The following CAMK2B variants were observed in gnomAD, a reference collection of about 807,000 sequenced individuals.
CAMK2B encodes calcium/calmodulin dependent protein kinase II beta.
A neutral mutation model predicts 93.7 loss-of-function variants in CAMK2B; 27 were observed. That is an observed-to-expected ratio of 0.29 (90% CI 0.21 to 0.40). CAMK2B has a LOEUF of 0.40. CAMK2B is among the 10% of genes least tolerant of loss of function. CAMK2B has a pLI of 1.00. For missense variants in CAMK2B, 568 were observed against 895.8 expected (o/e 0.63, Z 4.67); for synonymous variants, 374 against 358.8 (o/e 1.04, Z -0.48).
At chr7:44,231,150 CAG>C in intron 16 of CAMK2B, 96 bp from the exon 17 acceptor site, 1 of 884,054 alleles carries the variant, frequency 1.1e-6, no homozygotes, top group Non-Finnish European at 1.7e-6. Context: ...GTGTCAGGAC[CAG>C]CCCAGGCTCT....
Position 44,312,121 on chromosome 7 carries a change from G to T in CAMK2B, c.65+13236C>A, listed in dbSNP as rs567141207. On this transcript the variant is annotated intron_variant, in intron 1 of 23. Transcript: ENST00000395749. This position sits in a 1 kb window ranked among gnomAD's most constrained non-coding sequence, Gnocchi z 4.1. ...CCCACATTTACCCCAGGGCAGTGAG[G>T]CCACAGAAACAGCACTGGAGTCACA... Among the ~76,000 whole-genome samples the T allele has an allele frequency of 1.3e-5, 2 of 152,226 alleles. No individual in the cohort carries two copies. The highest frequency in any genetic ancestry group is 2.9e-5 in the Non-Finnish European group (2 of 68,046).
rs962629625 is a variant in CAMK2B at position 44,240,616 on chromosome 7, G to A, written c.946+91C>T. The A allele has an allele frequency of 5.7e-5, 79 of 1,398,198 alleles. No homozygotes were observed. The African/African-American group carries it at 8.6e-4, about 15-fold the overall frequency. The allele number at this position is 1,398,198 out of a possible 1,614,324, so 86.6% of individuals were successfully genotyped here. Reference sequence around the variant, plus strand: ...CGAGGGCAGGCCTGCCGCAGAGGAGGAGTGGAGAGGCTGGTGAGGAAGGAG... The same window carrying A: ...CGAGGGCAGGCCTGCCGCAGAGGAGAAGTGGAGAGGCTGGTGAGGAAGGAG... On this transcript the variant is annotated intron_variant, in intron 12 of 23. Coordinates refer to ENST00000395749, the MANE Select transcript of CAMK2B (RefSeq NM_001220.5).
At chr7:44,237,421 T>A (rs377490549) in intron 13 of CAMK2B, among the ~76,000 whole-genome samples, 1 of 152,244 alleles carries the variant, frequency 6.6e-6, no homozygotes, top group Non-Finnish European at 1.5e-5. Context: ...AGGCCGACGC[T>A]GCCATCAGAG....
intron 1 of CAMK2B, among the ~76,000 whole-genome samples, chr7:44,309,779 G>T (rs1366801376): frequency 1.3e-5 from 2 of 152,266 alleles, no homozygotes; most frequent in Non-Finnish European, 2.9e-5. Flanking sequence ...CCCATCGGAA[G>T]AAACTGGGGA....
intron 3 of CAMK2B, among the ~76,000 whole-genome samples, chr7:44,261,494 C>A (rs2096878807): frequency 6.6e-6 from 1 of 152,184 alleles, no homozygotes; most frequent in Non-Finnish European, 1.5e-5. Flanking sequence ...CCTCCCCATG[C>A]AGGCCTGGTG....
intron 3 of CAMK2B, among the ~76,000 whole-genome samples, chr7:44,259,133 G>A (rs1204027027): frequency 6.6e-6 from 1 of 152,194 alleles, no homozygotes; most frequent in Non-Finnish European, 1.5e-5. Flanking sequence ...CACCCAGCGA[G>A]CACCCACAGG....
rs1795370880 is a variant in CAMK2B, at chr7:44,318,668, G to C, written c.65+6689C>G. ...AGCTCCTGCCCTCCAGGCTTCTCTT[G>C]CTGCTCACAAAGTGAGGAAACAAGG... is the stretch of plus-strand genomic sequence containing the variant. On this transcript the variant is annotated intron_variant, in intron 1 of 23. Transcript: ENST00000395749. 2.0e-5 allele frequency among the ~76,000 whole-genome samples: 3 copies of C among 152,326 alleles called. 1 individual carries two copies. Among genetic ancestry groups the C allele is most frequent in the Middle Eastern group, 6.8e-3 (2 of 294 alleles).
intron 22 of CAMK2B, 125 bp from the exon 23 acceptor site, chr7:44,220,419 G>T: frequency 1.1e-6 from 1 of 903,214 alleles, no homozygotes; most frequent in Non-Finnish European, 1.7e-6. Context: ...CGGCTCTCCT[G>T]GGAGCAGCAT....
rs571212343 is a variant in CAMK2B at position 44,261,447 on chromosome 7, T to C, written c.220+1558A>G. Among the ~76,000 whole-genome samples the C allele has an allele frequency of 5.9e-5, 9 of 152,230 alleles. No individual in the cohort carries two copies. The East Asian group carries it at 1.7e-3, about 30-fold the overall frequency. On this transcript the variant is annotated intron_variant, in intron 3 of 23. Coordinates refer to ENST00000395749, the MANE Select transcript of CAMK2B (RefSeq NM_001220.5). ...CTCCCTGGGGGCGCTGCAGGGCTGA[T>C]CTCATGGTGGGGGCTGCCCCTGCCC... is the stretch of plus-strand genomic sequence containing the variant.
At chr7:44,259,106 C>G (rs73097706) in intron 3 of CAMK2B, among the ~76,000 whole-genome samples, 180 bp from the exon 4 acceptor site, 29,227 of 152,144 alleles carry the variant, frequency 0.19, 3,561 homozygotes, top group Non-Finnish European at 0.27. Flanking sequence ...TGCTTTGGGC[C>G]CTGCGGGCCA....
chr7:44,254,625 A>AG lies in CAMK2B; in HGVS notation c.276-19dup, dbSNP rs1304185265. ...CAGTGACCCTATGGGAGAAGCATGA[A>AG]GGGGTCACAGATTCTGGAGACCCCT... On this transcript the variant is annotated intron_variant, in intron 4 of 23. Coordinates refer to ENST00000395749, the MANE Select transcript of CAMK2B (RefSeq NM_001220.5). 1 of 1,598,882 alleles carries AG rather than the reference A, an allele frequency of 6.3e-7. No homozygotes were observed. Among genetic ancestry groups the AG allele is most frequent in the Non-Finnish European group, 8.6e-7 (1 of 1,168,014 alleles).
At chr7:44,254,448 A>G in intron 5 of CAMK2B, 94 bp downstream of exon 5, 1 of 899,620 alleles carries the variant, frequency 1.1e-6, no homozygotes, top group Middle Eastern at 2.2e-4. Context: ...TCAGCACCAG[A>G]CGTGGGTTAG....
At chr7:44,246,499 G>A (rs1158327389) in intron 6 of CAMK2B, among the ~76,000 whole-genome samples, 2 of 152,048 alleles carry the variant, frequency 1.3e-5, no homozygotes, top group East Asian at 3.9e-4. Flanking sequence ...ATTCACATAT[G>A]CATGCGCATG....
rs1402941198 is a variant in CAMK2B, at chr7:44,286,415, T to C, written c.66-2190A>G. ...AGTAGGAAGTTCAACAGACTGCACA[T>C]CTATGCCAAGCTGATGATGCCCGTA... On this transcript the variant is annotated intron_variant, in intron 1 of 23. Transcript: ENST00000395749. This position sits in a 1 kb window ranked among gnomAD's most constrained non-coding sequence, Gnocchi z 4.0. 1.3e-5 allele frequency among the ~76,000 whole-genome samples: 2 copies of C among 152,078 alleles called. No homozygotes were observed. The highest frequency in any genetic ancestry group is 4.8e-5 in the African/African-American group (2 of 41,394).
chr7:44,222,685 C>G (rs1434676730), intron 20 of CAMK2B, among the ~76,000 whole-genome samples: 1 of 152,208 alleles, frequency 6.6e-6, no homozygotes, highest in Non-Finnish European at 1.5e-5. Flanking sequence ...CTCAAGTGAT[C>G]TGCCCACCTC....
Position 44,221,443 on chromosome 7 carries a change from G to A in CAMK2B, c.1598-542C>T, listed in dbSNP as rs569691223. Reference sequence around the variant, plus strand: ...AGAGACCTGCCTCAGAGAAGGAGCCGTCAGCAAGGCCACCCGGAGGCCGGG... The same window carrying A: ...AGAGACCTGCCTCAGAGAAGGAGCCATCAGCAAGGCCACCCGGAGGCCGGG... On this transcript the variant is annotated intron_variant, in intron 20 of 23. Coordinates refer to ENST00000395749, the MANE Select transcript of CAMK2B (RefSeq NM_001220.5). Among the ~76,000 whole-genome samples, 79 of 149,968 alleles carry A rather than the reference G, an allele frequency of 5.3e-4. 4 individuals are homozygous for A. Among genetic ancestry groups the A allele is most frequent in the South Asian group, 1.9e-3 (9 of 4,832 alleles).
At position 44,312,630 on chromosome 7, in the gene CAMK2B, G is replaced by A. The variant is rs1793852259; in HGVS notation, c.65+12727C>T. Among the ~76,000 whole-genome samples, 1 of 152,144 alleles carries A rather than the reference G, an allele frequency of 6.6e-6. No homozygotes were observed. The highest frequency in any genetic ancestry group is 1.5e-5 in the Non-Finnish European group (1 of 68,026). On this transcript the variant is annotated intron_variant, in intron 1 of 23. Transcript: ENST00000395749. This position sits in a 1 kb window ranked among gnomAD's most constrained non-coding sequence, Gnocchi z 4.1. ...AGAAAAGACCAGGAAGCAAAAGAGG[G>A]AGGAAAAGTGGAAACATGAAGTGAG...
intron 6 of CAMK2B, among the ~76,000 whole-genome samples, chr7:44,243,833 G>A (rs939728269): frequency 6.6e-6 from 1 of 152,170 alleles, no homozygotes; most frequent in African/African-American, 2.4e-5. Flanking sequence ...GGCGACCTGG[G>A]GGCTAGTTGG....
chr7:44,258,758 G>A (rs1467861376), intron 4 of CAMK2B, 114 bp downstream of exon 4: 4 of 902,408 alleles, frequency 4.4e-6, no homozygotes, highest in African/African-American at 3.3e-5. Context: ...CACACTCAAG[G>A]GAGTGGCCAG....
Sources: allele counts gnomAD v4.1 joint callset (sites outside exome capture counted in the v4.1 genomes callset), GRCh38; gene constraint gnomAD v4.1.1; non-coding constraint Gnocchi (gnomAD v3.1); transcripts MANE v1.5; gene names NCBI Gene and HGNC (gene_info 2026-07-23, HGNC 2026-07-21).